The following DDB1 variants were observed in gnomAD, a reference collection of about 807,000 sequenced individuals.
The protein encoded by DDB1 is DNA damage-binding protein 1.
DDB1 carries 18 observed loss-of-function variants against 133.1 expected under a neutral mutation model. That is an observed-to-expected ratio of 0.14 (90% CI 0.09 to 0.20). The LOEUF is 0.20. Ranked by LOEUF, DDB1 falls within the 10% of genes least tolerant of loss-of-function variation. The pLI, the probability that DDB1 is intolerant of heterozygous loss-of-function variation, is 1.00. For missense variants in DDB1, 828 were observed against 1,459.2 expected, an observed-to-expected ratio of 0.57 and a Z score of 7.05; for synonymous variants, 580 against 550.5, an observed-to-expected ratio of 1.05 and a Z score of -0.75.
chr11:61,316,957 A>G lies in DDB1; in HGVS notation c.1226-390T>C, dbSNP rs1424083232. 6.6e-4 allele frequency among the ~76,000 whole-genome samples: 13 copies of G among 19,582 alleles called. 1 individual carries two copies. Among genetic ancestry groups the G allele is most frequent in the African/African-American group, 1.4e-3 (11 of 7,888 alleles). The allele number at this position is 19,582 out of a possible 152,430, so 12.8% of individuals were successfully genotyped here. The stretch of plus-strand genomic sequence containing the variant: ...AAAAAAAAAGGATAGATATATATAT[A>G]TATATATATATATATATATATATAT... On this transcript the variant is annotated intron_variant, in intron 10 of 26. Transcript: ENST00000301764.
At position 61,326,908 on chromosome 11, in the gene DDB1, T is replaced by C; in HGVS notation, c.550-15A>G. 6.3e-7 allele frequency: 1 copy of C among 1,597,210 alleles called. No individual in the cohort carries two copies. Among genetic ancestry groups the C allele is most frequent in the Non-Finnish European group, 8.6e-7 (1 of 1,164,934 alleles). On this transcript the variant is annotated splice_polypyrimidine_tract_variant and intron_variant, in intron 4 of 26. Coordinates refer to ENST00000301764, the MANE Select transcript of DDB1 (RefSeq NM_001923.5). ...CCCTGAGGGTCCTGGGGGGGAAAGGTAAAATGGTTAGCCCTTAGGAAGGGT... is the reference window on the plus strand; with the variant it reads ...CCCTGAGGGTCCTGGGGGGGAAAGGCAAAATGGTTAGCCCTTAGGAAGGGT...
At chr11:61,302,212 G>T in intron 25 of DDB1, 45 bp downstream of exon 25, 2 of 1,537,494 alleles carry the variant, frequency 1.3e-6, no homozygotes, top group Non-Finnish European at 9.0e-7. Flanking sequence ...TGCCACATAT[G>T]CCGGGATGTG....
chr11:61,325,848 A>C lies in DDB1; in HGVS notation c.665-140T>G, dbSNP rs1457795035. The C allele has an allele frequency of 5.5e-6, 4 of 722,284 alleles. No homozygotes were observed. The South Asian group carries it at 6.0e-5, about 11-fold the overall frequency. 44.7% of individuals were successfully genotyped at this position (722,284 alleles called of 1,614,324 possible). On this transcript the variant is annotated intron_variant, in intron 5 of 26. Coordinates refer to ENST00000301764, the MANE Select transcript of DDB1 (RefSeq NM_001923.5). The stretch of plus-strand genomic sequence containing the variant: ...TAAAAAGGACATCAAAGCCCAGGGA[A>C]CATGATAGCCTTTACGAGACTCTTA...
At chr11:61,310,517 A>G in intron 18 of DDB1, 99 bp from the exon 19 acceptor site, 1 of 1,378,956 alleles carries the variant, frequency 7.3e-7, no homozygotes, top group Non-Finnish European at 9.5e-7. Flanking sequence ...CAAAGGCTGC[A>G]GCTAGCCAAG....
At chr11:61,324,360 C>T in intron 6 of DDB1, 1 of 501,434 alleles carries the variant, frequency 2.0e-6, no homozygotes, top group South Asian at 2.4e-5. Context: ...ATCAATATAT[C>T]TTATATGTTT....
rs192977765 is a variant in DDB1 at position 61,318,445 on chromosome 11, T to C, written c.1226-1878A>G. On this transcript the variant is annotated intron_variant, in intron 10 of 26. Coordinates refer to ENST00000301764, the MANE Select transcript of DDB1 (RefSeq NM_001923.5). ...TTCTCACAGCCCGACCAACATAATG[T>C]GTGGTCAAACTTCTGGATTTTGGTC... 3.5e-3 allele frequency among the ~76,000 whole-genome samples: 535 copies of C among 152,272 alleles called. 2 individuals carry two copies. Among genetic ancestry groups the C allele is most frequent in the Non-Finnish European group, 4.4e-3 (298 of 68,024 alleles).
chr11:61,329,933 C>T, intron 3 of DDB1, 25 bp downstream of exon 3: 5 of 1,586,128 alleles, frequency 3.2e-6, no homozygotes, highest in Non-Finnish European at 3.5e-6. Flanking sequence ...AGAAAACTTT[C>T]ATTGGCCTAA....
rs1856229939 is a variant in DDB1, at chr11:61,324,087, G to A, written c.813C>T (p.Tyr271=). 6 of 1,614,104 alleles carry A rather than the reference G, an allele frequency of 3.7e-6. No homozygotes were observed. Among genetic ancestry groups the A allele is most frequent in the South Asian group, 1.1e-5 (1 of 91,082 alleles). ...HNRVDPNGSR[Y]LLGDMEGRLF... ...GCCGGCCTTCCATGTCTCCCAGCAG[G>A]TATCTTGAGCCATTAGGGTCCACTC... Residue 271 remains tyrosine, a synonymous_variant, in exon 7 of 27, where the codon TAC becomes TAT. Transcript: ENST00000301764.
intron 10 of DDB1, among the ~76,000 whole-genome samples, chr11:61,319,433 T>G (rs1856140205): frequency 6.6e-6 from 1 of 152,054 alleles, no homozygotes; most frequent in South Asian, 2.1e-4. Context: ...TGCTTTCTTT[T>G]TTTTTCTTTT....
chr11:61,326,616 C>G (rs1269939050), intron 5 of DDB1, among the ~76,000 whole-genome samples, 163 bp downstream of exon 5: 1 of 151,906 alleles, frequency 6.6e-6, no homozygotes, highest in Non-Finnish European at 1.5e-5. Flanking sequence ...CAGAAAAAAA[C>G]AAAGCACAAT....
chr11:61,317,479 G>A (rs1856109817), intron 10 of DDB1, among the ~76,000 whole-genome samples: 1 of 152,036 alleles, frequency 6.6e-6, no homozygotes, highest in Non-Finnish European at 1.5e-5. Flanking sequence ...ACATTTCCAT[G>A]ACCCAAAGTC....
intron 21 of DDB1, among the ~76,000 whole-genome samples, chr11:61,306,720 T>C (rs1855887612): frequency 6.6e-6 from 1 of 152,156 alleles, no homozygotes. Flanking sequence ...ATAATAACTG[T>C]CTTGCAGATT....
chr11:61,331,609 C>A lies in DDB1; in HGVS notation c.144G>T (p.Gly48=). Residue 48 remains glycine (G), a synonymous_variant, in exon 2 of 27, where the codon GGG becomes GGT. Coordinates refer to ENST00000301764, the MANE Select transcript of DDB1 (RefSeq NM_001923.5). ...TGCCCACCTCTTTGACGGGCCGAAG[C>A]CCCTCGGCGGTGACCACATAGATCT... ...RLEIYVVTAE[G]LRPVKEVGMY... 2 of 1,614,190 alleles carry A rather than the reference C, an allele frequency of 1.2e-6. No homozygotes were observed. Among genetic ancestry groups the A allele is most frequent in the South Asian group, 2.2e-5 (2 of 91,080 alleles).
In DDB1 at chr11:61,302,666, C is replaced by T; in HGVS notation, c.3028G>A (p.Gly1010Ser). 6.2e-7 allele frequency: 1 copy of T among 1,614,218 alleles called. No individual in the cohort carries two copies. Residue 1010 changes from glycine (G) to serine (S), a missense_variant, in exon 24 of 27, where the codon GGC becomes AGC. Physicochemically the swap from Gly to Ser is moderately conservative, Grantham distance 56 (BLOSUM62 0). Transcript: ENST00000301764. ...LGEFVNVFCH[G>S]SLVMQNLGET... The stretch of plus-strand genomic sequence containing the variant: ...CCCAGATTCTGCATTACCAGAGAGC[C>T]GTGGCAAAAGACATTGACAAACTCG...
intron 25 of DDB1, chr11:61,301,142 T>A: frequency 1.6e-6 from 1 of 635,950 alleles, no homozygotes; most frequent in Non-Finnish European, 2.6e-6. Flanking sequence ...GGGGTGATCT[T>A]CAAAATAGTT....
intron 10 of DDB1, 118 bp downstream of exon 10, chr11:61,321,477 C>A: frequency 1.4e-6 from 1 of 710,838 alleles, no homozygotes. Flanking sequence ...GTTGTTACGA[C>A]TTTCACTCTT....
chr11:61,330,961 A>AT (rs1856356994), intron 2 of DDB1, among the ~76,000 whole-genome samples: 1 of 152,126 alleles, frequency 6.6e-6, no homozygotes, highest in Admixed American at 6.5e-5. Context: ...CGGCCTGGTA[A>AT]TTGTTAACAT....
Position 61,330,048 on chromosome 11 carries a change from G to C in DDB1, c.237C>G (p.Ile79Met). 2 of 1,613,646 alleles carry C rather than the reference G, an allele frequency of 1.2e-6. No individual in the cohort carries two copies. The highest frequency in any genetic ancestry group is 1.7e-6 in the Non-Finnish European group (2 of 1,179,618). Residue 79 changes from isoleucine to methionine, a missense_variant, in exon 3 of 27, where the codon ATC becomes ATG. This residue lies in a region of DDB1 where 210 missense variants were observed against 344.8 expected (regional missense o/e 0.61). Transcript: ENST00000301764. ...PKGESKDLLF[I>M]LTAKYNACIL... ...TGCAGGCATTGTACTTCGCTGTCAA[G>C]ATAAACAGCAGGTCCTTGCTCTCCC... is the stretch of plus-strand genomic sequence containing the variant.
chr11:61,300,351 C>T, intron 26 of DDB1, 132 bp from the exon 27 acceptor site: 4 of 879,010 alleles, frequency 4.6e-6, no homozygotes, highest in Non-Finnish European at 7.3e-6. Context: ...TCACCAGAAA[C>T]CCACGCCTCC....
Sources: gnomAD v4.1 joint callset for allele counts (sites outside exome capture counted in the v4.1 genomes callset) on GRCh38, gnomAD v4.1.1 for gene constraint, gnomAD v4.1.1 regional missense constraint, MANE v1.5 for transcripts, NCBI Gene and HGNC (gene_info 2026-07-23, HGNC 2026-07-21) for gene names.